The following GRIPAP1 variants were observed in gnomAD, a reference collection of about 807,000 sequenced individuals.
GRIPAP1 encodes GRIP1 associated protein 1.
GRIPAP1 carries 14 observed loss-of-function variants against 84.1 expected under a neutral mutation model. The observed-to-expected ratio is 0.17, with a 90% confidence interval of 0.11 to 0.26. The LOEUF is 0.26. Ranked by LOEUF, GRIPAP1 falls within the 10% of genes least tolerant of loss-of-function variation. GRIPAP1 has a pLI of 1.00. For synonymous variants in GRIPAP1, 261 were observed against 256.8 expected, an observed-to-expected ratio of 1.02 and a Z score of -0.15; for missense variants, 518 against 674.2, an observed-to-expected ratio of 0.77 and a Z score of 2.57.
chrX:48,974,237 C>A lies in GRIPAP1; in HGVS notation c.2482G>T (p.Val828Leu). The A allele has an allele frequency of 8.3e-7, 1 of 1,208,284 alleles. No individual in the cohort carries two copies. Among genetic ancestry groups the A allele is most frequent in the South Asian group, 1.8e-5 (1 of 56,828 alleles). ...QEIVRLSKEC[V>L]GPPDPDLEPG... ...TCTAGGTCTGGGTCAGGAGGCCCCA[C>A]GCACTCCTTGCTGAGCCGCACAATT... Residue 828 changes from valine to leucine, a missense_variant, in exon 26 of 26, where the codon GTG becomes TTG. By Grantham distance (32) the Val-to-Leu change is conservative (BLOSUM62 1). Transcript: ENST00000376423.
At chrX:48,994,222 T>TC (rs1302459987) in intron 5 of GRIPAP1, among the ~76,000 whole-genome samples, 1,418 of 92,755 alleles carry the variant, frequency 0.015, 6 homozygotes, top group Non-Finnish European at 0.022. Flanking sequence ...TTTCTTTCTT[T>TC]TTTTTTTTTT....
intron 21 of GRIPAP1, 117 bp from the exon 22 acceptor site, chrX:48,978,552 T>C: frequency 3.0e-6 from 2 of 662,973 alleles, no homozygotes; most frequent in Non-Finnish European, 4.3e-6. Context: ...CACCTGGGCA[T>C]GGGGAAAGGC....
Position 48,983,254 on chromosome X carries a change from GCTC to G in GRIPAP1, c.1456_1458del (p.Glu486del). On this transcript the variant is annotated inframe_deletion, in exon 16 of 26. Transcript: ENST00000376423. ...TTCTCCTCCCGGATCTGCCCACGGA[GCTC>G]CTCCTCCTGACGCTTCTTGTCTTCA... 8.3e-7 allele frequency: 1 copy of G among 1,211,775 alleles called. No individual in the cohort carries two copies.
At chrX:48,983,193 T>G (rs1557062691) in intron 16 of GRIPAP1, 35 bp downstream of exon 16, 1 of 1,176,708 alleles carries the variant, frequency 8.5e-7, no homozygotes, top group Non-Finnish European at 1.2e-6. Flanking sequence ...TCCCAGGTTT[T>G]AGAGGAAGAA....
chrX:48,990,059 T>G, intron 8 of GRIPAP1, 56 bp from the exon 9 acceptor site: 1 of 934,688 alleles, frequency 1.1e-6, no homozygotes, highest in African/African-American at 2.0e-5. Context: ...AAGACAAACC[T>G]AAAATTAATA....
chrX:48,979,505 A>AAG (rs2064443413), intron 21 of GRIPAP1, among the ~76,000 whole-genome samples: 274 of 1,361 alleles, frequency 0.2, 103 homozygotes, highest in South Asian at 0.67. Flanking sequence ...AAAAAAAAGA[A>AAG]ATGCAAGCAG....
At chrX:48,975,638 A>G (rs2064417978) in intron 24 of GRIPAP1, 1 of 324,499 alleles carries the variant, frequency 3.1e-6, no homozygotes, top group East Asian at 5.1e-5. Flanking sequence ...GTTTGAAAGA[A>G]AGCAAAAGCA....
intron 21 of GRIPAP1, among the ~76,000 whole-genome samples, chrX:48,980,532 T>C (rs1208519526): frequency 1.8e-5 from 2 of 110,268 alleles, no homozygotes; most frequent in Non-Finnish European, 3.8e-5. Context: ...GACAGAGATA[T>C]AAACAGAAGA....
rs1602473692 is a variant in GRIPAP1 at position 48,987,794 on chromosome X, G to T, written c.1032C>A (p.Ala344=). ...ENNALRTSLA[A]LEQIQTAKTQ... is the part of the protein sequence containing the mutation. ...CCCAGGTGTTCTTTACCTGCTCCAG[G>T]GCAGCCAGGCTAGTCCTCAAGGCAT... The change falls in exon 13 of 26, where the codon GCC becomes GCA. Residue 344 remains alanine (A), a synonymous_variant. Transcript: ENST00000376423. 8.4e-7 allele frequency: 1 copy of T among 1,185,982 alleles called. No homozygotes were observed. Among genetic ancestry groups the T allele is most frequent in the African/African-American group, 1.8e-5 (1 of 56,600 alleles).
rs781900060 is a variant in GRIPAP1, at chrX:48,983,307, T to C, written c.1406A>G (p.Tyr469Cys). 1.7e-6 allele frequency: 2 copies of C among 1,211,145 alleles called. No homozygotes were observed. The highest frequency in any genetic ancestry group is 3.0e-5 in the East Asian group (1 of 33,813). ...EKEVLGVRAR[Y>C]ERELRELHED... ...ATGCAGCTCTCGGAGCTCACGCTCA[T>C]AGCGGGCACGCACCCCCAGCACCTC... Residue 469 changes from tyrosine to cysteine, a missense_variant, in exon 16 of 26, where the codon TAT becomes TGT. Physicochemically the swap from Tyr to Cys is radical, Grantham distance 194 (BLOSUM62 -2). This residue lies in a region of GRIPAP1 where 372 missense variants were observed against 458.1 expected (regional missense o/e 0.81). Coordinates refer to ENST00000376423, the MANE Select transcript of GRIPAP1 (RefSeq NM_020137.5).
intron 17 of GRIPAP1, among the ~76,000 whole-genome samples, chrX:48,982,320 T>C (rs1281178586): frequency 8.9e-6 from 1 of 112,339 alleles, no homozygotes; most frequent in Non-Finnish European, 1.9e-5. Flanking sequence ...CAGCCTGTGC[T>C]CTTCACTGCT....
At position 48,999,513 on chromosome X, in the gene GRIPAP1, G is replaced by T; in HGVS notation, c.43-9C>A. ...AGTTCCAGGAGCTGAGCCTTTGGGGGAGGCAGGAAGGGAAAAGACTTGGTC... is the reference window on the plus strand; with the variant it reads ...AGTTCCAGGAGCTGAGCCTTTGGGGTAGGCAGGAAGGGAAAAGACTTGGTC... On this transcript the variant is annotated splice_polypyrimidine_tract_variant and intron_variant, in intron 1 of 25. Transcript: ENST00000376423. 8.4e-7 allele frequency: 1 copy of T among 1,183,812 alleles called. No homozygotes were observed. Among genetic ancestry groups the T allele is most frequent in the Non-Finnish European group, 1.1e-6 (1 of 870,795 alleles).
chrX:48,998,020 A>T, intron 4 of GRIPAP1, 134 bp downstream of exon 4: 1 of 556,040 alleles, frequency 1.8e-6, no homozygotes, highest in Non-Finnish European at 3.3e-6. Context: ...AGATACAGCA[A>T]CACATGGCAG....
chrX:48,974,221 G>A lies in GRIPAP1; in HGVS notation c.2498C>T (p.Pro833Leu), dbSNP rs1557059754. Reference protein sequence around the residue: ...LSKECVGPPDPDLEPGETS With the variant: ...LSKECVGPPDLDLEPGETS ...GCTGGTTTCTCCTGGCTCTAGGTCT[G>A]GGTCAGGAGGCCCCACGCACTCCTT... The change falls in exon 26 of 26, where the codon CCA (proline) becomes CTA (leucine). Residue 833 changes from proline (P) to leucine (L), a missense_variant. Coordinates refer to ENST00000376423, the MANE Select transcript of GRIPAP1 (RefSeq NM_020137.5). The A allele has an allele frequency of 4.1e-6, 5 of 1,206,224 alleles. No individual in the cohort carries two copies. Among genetic ancestry groups the A allele is most frequent in the East Asian group, 5.9e-5 (2 of 33,826 alleles).
intron 13 of GRIPAP1, among the ~76,000 whole-genome samples, chrX:48,987,289 C>A (rs1364909502): frequency 9.5e-6 from 1 of 105,037 alleles, no homozygotes; most frequent in Non-Finnish European, 1.9e-5. Flanking sequence ...GCTGGGATTA[C>A]AGGCACACAC....
In GRIPAP1 at chrX:48,978,404, G is replaced by A. The variant is rs1602467194; in HGVS notation, c.1962C>T (p.Asn654=). The change falls in exon 22 of 26, where the codon AAC becomes AAT. Residue 654 remains asparagine (N), a synonymous_variant. Transcript: ENST00000376423. ...GLEELVLSEM[N]SPSRTQTGDS... Reference sequence around the variant, plus strand: ...CCCCTGTCTGGGTCCGGCTTGGTGAGTTCATCTCTGAGAGAACCAGCTCCT... The same window carrying A: ...CCCCTGTCTGGGTCCGGCTTGGTGAATTCATCTCTGAGAGAACCAGCTCCT... The A allele has an allele frequency of 8.3e-7, 1 of 1,205,994 alleles. No homozygotes were observed. Among genetic ancestry groups the A allele is most frequent in the South Asian group, 1.8e-5 (1 of 55,938 alleles).
chrX:48,978,238 A>AGGGGAGG, intron 22 of GRIPAP1, 67 bp downstream of exon 22: 1 of 1,132,956 alleles, frequency 8.8e-7, no homozygotes. Flanking sequence ...TGAGGAGAAA[A>AGGGGAGG]GGGGAGGGGT....
chrX:48,989,571 G>T, intron 11 of GRIPAP1, 40 bp downstream of exon 11: 1 of 900,147 alleles, frequency 1.1e-6, no homozygotes, highest in Non-Finnish European at 1.6e-6. Context: ...TCCCAGTCCT[G>T]GCCCCTACCC....
intron 5 of GRIPAP1, among the ~76,000 whole-genome samples, chrX:48,996,210 C>T (rs1365304261): frequency 8.9e-6 from 1 of 112,257 alleles, no homozygotes; most frequent in Non-Finnish European, 1.9e-5. Flanking sequence ...GTACCTACTA[C>T]TTGCTCAACT....
Sources: gnomAD v4.1 joint callset for allele counts (sites outside exome capture counted in the v4.1 genomes callset) on GRCh38, gnomAD v4.1.1 for gene constraint, gnomAD v4.1.1 regional missense constraint, MANE v1.5 for transcripts, NCBI Gene and HGNC (gene_info 2026-07-23, HGNC 2026-07-21) for gene names.